Variants in UNC13C observed in about 807,000 individuals in gnomAD.
UNC13C encodes the protein protein unc-13 homolog C.
Under a neutral mutation model 245.4 loss-of-function variants are expected in UNC13C, and 174 were observed. The ratio of observed to expected loss-of-function variants is 0.71; its 90% CI spans 0.63 to 0.80. The LOEUF (loss-of-function observed/expected upper bound fraction) is 0.80, where lower values mean the gene tolerates loss of function less well. Among genes scored for constraint, UNC13C ranks in the 30% least tolerant of loss-of-function variants. The pLI is 0.00. For missense variants in UNC13C, 2,829 were observed against 2,602.9 expected (o/e 1.09, Z -1.89); for synonymous variants, 992 against 895.1 (o/e 1.11, Z -1.93).
At chr15:54,447,294 G>A (rs1279062308) in intron 19 of UNC13C, among the ~76,000 whole-genome samples, 1 of 152,206 alleles carries the variant, frequency 6.6e-6, no homozygotes, top group Non-Finnish European at 1.5e-5. Context: ...CATAAAATGA[G>A]TTAGGGAGGA....
chr15:54,327,246 T>C (rs1235180884), intron 14 of UNC13C, among the ~76,000 whole-genome samples: 1 of 152,094 alleles, frequency 6.6e-6, no homozygotes, highest in Non-Finnish European at 1.5e-5. Context: ...TACTTGAGTA[T>C]ATACATGCTC....
chr15:54,063,924 G>A (rs1207427112), intron 2 of UNC13C, among the ~76,000 whole-genome samples: 1 of 152,130 alleles, frequency 6.6e-6, no homozygotes, highest in East Asian at 1.9e-4. Flanking sequence ...AAGGACAATA[G>A]GAGTTTCATG....
the UNC13C span, among the ~76,000 whole-genome samples, chr15:53,851,700 C>A: frequency 2.0e-5 from 3 of 152,180 alleles, no homozygotes; most frequent in Non-Finnish European, 4.4e-5. Flanking sequence ...CAAGCCCTTG[C>A]AGGCTTTAGA....
intron 4 of UNC13C, among the ~76,000 whole-genome samples, chr15:54,167,876 G>T (rs2141278465): frequency 6.6e-6 from 1 of 152,174 alleles, no homozygotes; most frequent in South Asian, 2.1e-4. Context: ...ATGGAAAAAT[G>T]CACATCACTA....
chr15:54,267,761 G>A lies in UNC13C; in HGVS notation c.3818+2265G>A, dbSNP rs542067549. On this transcript the variant is annotated intron_variant, in intron 10 of 32. Transcript: ENST00000260323. ...TGGTGTAATATTCTTCCTTTTTCTA[G>A]TGTTTAGGGTTTGTTTAGCTGTTTG... 3.3e-5 allele frequency among the ~76,000 whole-genome samples: 5 copies of A among 151,682 alleles called. No individual in the cohort carries two copies. The East Asian group carries it at 9.7e-4, about 29-fold the overall frequency.
chr15:53,978,052 T>A (rs1035527178), upstream of UNC13C, among the ~76,000 whole-genome samples: 1 of 152,222 alleles, frequency 6.6e-6, no homozygotes, highest in Non-Finnish European at 1.5e-5. Flanking sequence ...GGAATGATAC[T>A]GTGTGCGGTA....
intron 1 of UNC13C, among the ~76,000 whole-genome samples, chr15:53,993,388 C>A (rs1054185777): frequency 5.9e-5 from 9 of 152,100 alleles, no homozygotes; most frequent in African/African-American, 1.9e-4. Flanking sequence ...TGACCGTGAA[C>A]CTCTCTCAGG....
chr15:54,029,835 G>C (rs763821784), intron 2 of UNC13C, among the ~76,000 whole-genome samples: 27 of 152,260 alleles, frequency 1.8e-4, no homozygotes, highest in South Asian at 6.2e-4. Flanking sequence ...GTGGACCAGA[G>C]CATATGGTCA....
chr15:54,253,150 AT>A (rs1162562227), intron 8 of UNC13C, among the ~76,000 whole-genome samples: 4 of 152,232 alleles, frequency 2.6e-5, no homozygotes, highest in African/African-American at 9.6e-5. Flanking sequence ...CCAATGGCCC[AT>A]GCAAAAGAGA....
intron 29 of UNC13C, among the ~76,000 whole-genome samples, chr15:54,556,565 ATGT>A (rs1298410887): frequency 3.3e-5 from 5 of 152,072 alleles, no homozygotes; most frequent in Non-Finnish European, 7.4e-5. Context: ...GGTAGCCAAA[ATGT>A]TGTCTGGAAA....
intron 7 of UNC13C, 124 bp downstream of exon 7, chr15:54,237,814 C>A: frequency 1.2e-6 from 1 of 811,864 alleles, no homozygotes; most frequent in Non-Finnish European, 1.9e-6. Flanking sequence ...TAACTGGGAG[C>A]ATGAGGAAAG....
chr15:53,839,717 T>C, the UNC13C span, among the ~76,000 whole-genome samples: 84 of 152,042 alleles, frequency 5.5e-4, 1 homozygote, highest in African/African-American at 2.0e-3. Context: ...GTGCTTTCCA[T>C]TTTTTTTCCC....
At chr15:54,281,040 C>T (rs1201718019) in intron 10 of UNC13C, among the ~76,000 whole-genome samples, 4 of 151,914 alleles carry the variant, frequency 2.6e-5, no homozygotes, top group Admixed American at 6.6e-5. Context: ...TCAAGTGATC[C>T]GCCTGCCTCA....
chr15:53,968,902 A>G, the UNC13C span, among the ~76,000 whole-genome samples: 1 of 152,106 alleles, frequency 6.6e-6, no homozygotes, highest in Non-Finnish European at 1.5e-5. Context: ...TCATTAGGCA[A>G]CTGTTGTTCT....
chr15:54,049,475 GT>G, intron 2 of UNC13C: 1 of 386,986 alleles, frequency 2.6e-6, no homozygotes. Flanking sequence ...ACAACTAAGT[GT>G]GCAGAGTTCA....
intron 2 of UNC13C, chr15:54,048,937 C>T (rs1430121666): frequency 3.5e-6 from 1 of 289,518 alleles, no homozygotes; most frequent in Non-Finnish European, 6.9e-6. Context: ...AATTGAGTAT[C>T]TTGAAGCCTG....
chr15:54,037,396 G>A (rs1331332951), intron 2 of UNC13C, among the ~76,000 whole-genome samples: 3 of 151,892 alleles, frequency 2.0e-5, no homozygotes, highest in Admixed American at 6.6e-5. Flanking sequence ...GTAAAATTGC[G>A]GTAATAAGAG....
intron 17 of UNC13C, among the ~76,000 whole-genome samples, chr15:54,344,516 C>G (rs1044892684): frequency 1.3e-5 from 2 of 152,068 alleles, no homozygotes; most frequent in Non-Finnish European, 2.9e-5. Flanking sequence ...TGGGGCTAAG[C>G]TTTAAATCTT....
intron 19 of UNC13C, among the ~76,000 whole-genome samples, chr15:54,445,034 C>A (rs966887789): frequency 1.5e-5 from 2 of 137,154 alleles, no homozygotes; most frequent in African/African-American, 5.4e-5. Context: ...TCACATTGTT[C>A]AATGCCCACC....
Sources: gnomAD v4.1 joint callset for allele counts (sites outside exome capture counted in the v4.1 genomes callset) on GRCh38, gnomAD v4.1.1 for gene constraint, MANE v1.5 for transcripts, NCBI Gene and HGNC (gene_info 2026-07-23, HGNC 2026-07-21) for gene names.